Variants in APBB2 observed in about 807,000 individuals in gnomAD.
APBB2 encodes the protein amyloid beta precursor protein binding family B member 2, also known as Fe65-like 1.
A neutral mutation model predicts 82.5 loss-of-function variants in APBB2; 38 were observed. The ratio of observed to expected loss-of-function variants is 0.46; its 90% CI spans 0.36 to 0.60. The LOEUF (loss-of-function observed/expected upper bound fraction) is 0.60, where lower values mean the gene tolerates loss of function less well. Ranked by LOEUF, APBB2 falls within the 20% of genes least tolerant of loss-of-function variation. APBB2 has a pLI of 0.00. For missense variants in APBB2, 772 were observed against 972.3 expected, an observed-to-expected ratio of 0.79 and a Z score of 2.74; for synonymous variants, 341 against 368.2, an observed-to-expected ratio of 0.93 and a Z score of 0.85.
intron 1 of APBB2, among the ~76,000 whole-genome samples, chr4:41,204,895 T>C (rs889819281): frequency 1.3e-5 from 2 of 152,344 alleles, no homozygotes; most frequent in South Asian, 2.1e-4. Context: ...AATGAAATGC[T>C]TTCCAAGTCA....
At chr4:40,930,585 T>G (rs891831131) in intron 10 of APBB2, among the ~76,000 whole-genome samples, 1 of 152,124 alleles carries the variant, frequency 6.6e-6, no homozygotes, top group African/African-American at 2.4e-5. Context: ...CTGAAGAGGA[T>G]TTGGAAGTGT....
At chr4:40,915,073 C>A (rs892961497) in intron 10 of APBB2, among the ~76,000 whole-genome samples, 6 of 152,192 alleles carry the variant, frequency 3.9e-5, no homozygotes, top group Non-Finnish European at 8.8e-5. Flanking sequence ...CTGTGAAATA[C>A]CTCTCAAACA....
At chr4:40,980,179 C>T (rs190907856) in intron 6 of APBB2, among the ~76,000 whole-genome samples, 215 of 152,240 alleles carry the variant, frequency 1.4e-3, no homozygotes, top group Non-Finnish European at 2.2e-3. Flanking sequence ...CACGCTGCCA[C>T]GCCTGGCTGA....
intron 6 of APBB2, among the ~76,000 whole-genome samples, chr4:40,992,687 T>C (rs933232307): frequency 2.6e-5 from 4 of 152,040 alleles, no homozygotes; most frequent in Admixed American, 1.3e-4. Flanking sequence ...ACGCGGGAAG[T>C]ATGAAGCCAG....
At chr4:41,120,313 C>G (rs1235951233) in intron 2 of APBB2, among the ~76,000 whole-genome samples, 4 of 152,110 alleles carry the variant, frequency 2.6e-5, no homozygotes, top group African/African-American at 9.7e-5. Flanking sequence ...CCGACTCAGG[C>G]CTAGGACCTG....
intron 12 of APBB2, among the ~76,000 whole-genome samples, chr4:40,864,853 C>CTTTTTTTTT (rs571511868): frequency 8.0e-6 from 1 of 125,266 alleles, no homozygotes. Flanking sequence ...ACGTTTGATT[C>CTTTTTTTTT]TTTTTTTTTT....
intron 1 of APBB2, among the ~76,000 whole-genome samples, chr4:41,152,876 C>T (rs62409970): frequency 0.038 from 5,783 of 152,260 alleles, 211 homozygotes; most frequent in African/African-American, 0.096. Flanking sequence ...TACCTTGCCA[C>T]TGACCCAAGA....
chr4:40,918,692 T>C (rs940974803), intron 10 of APBB2, among the ~76,000 whole-genome samples: 3 of 151,732 alleles, frequency 2.0e-5, no homozygotes, highest in African/African-American at 7.3e-5. Flanking sequence ...TCCTTCCTTC[T>C]TTCGGACGAC....
Position 40,889,515 on chromosome 4 carries a change from G to GCAATAA in APBB2, c.1529+843_1529+848dup, listed in dbSNP as rs547359609. On this transcript the variant is annotated intron_variant, in intron 12 of 17. Coordinates refer to ENST00000508593, the MANE Select transcript of APBB2 (RefSeq NM_004307.2). Reference sequence around the variant, plus strand: ...AATGCTCTTGTCCATTTTCAACAAAGCAATAACAAGCTATCATCCTATAGC... The same window carrying GCAATAA: ...AATGCTCTTGTCCATTTTCAACAAAGCAATAACAATAACAAGCTATCATCCTATAGC... Among the ~76,000 whole-genome samples the GCAATAA allele has an allele frequency of 1.1e-4, 16 of 152,316 alleles. No homozygotes were observed. In the East Asian group the frequency reaches 2.7e-3, roughly 26 times the overall value.
At chr4:40,897,876 A>T (rs1774143258) in intron 10 of APBB2, among the ~76,000 whole-genome samples, 2 of 152,166 alleles carry the variant, frequency 1.3e-5, no homozygotes, top group Non-Finnish European at 2.9e-5. Context: ...ATAAATGCTC[A>T]TCTTGGAGCA....
chr4:41,022,031 C>A (rs1163945402), intron 5 of APBB2, among the ~76,000 whole-genome samples: 1 of 152,184 alleles, frequency 6.6e-6, no homozygotes, highest in Non-Finnish European at 1.5e-5. Flanking sequence ...AAACTCCAGA[C>A]ACACCATCTT....
intron 10 of APBB2, among the ~76,000 whole-genome samples, chr4:40,909,948 CTG>C (rs1296378961): frequency 3.3e-5 from 5 of 152,128 alleles, no homozygotes; most frequent in Non-Finnish European, 5.9e-5. Flanking sequence ...AAATGAGAAA[CTG>C]AGGTTCAGGG....
At chr4:41,111,240 C>T (rs1580127329) in intron 2 of APBB2, among the ~76,000 whole-genome samples, 1 of 152,248 alleles carries the variant, frequency 6.6e-6, no homozygotes, top group East Asian at 1.9e-4. Flanking sequence ...TGCTGTGCAG[C>T]CCTGTTCCTA....
chr4:41,168,378 T>C (rs1387758990), intron 1 of APBB2, among the ~76,000 whole-genome samples: 1 of 151,990 alleles, frequency 6.6e-6, no homozygotes, highest in Non-Finnish European at 1.5e-5. Flanking sequence ...TATTTATTTA[T>C]TTTTTTATTT....
At chr4:41,035,735 G>C (rs1272207151) in intron 4 of APBB2, among the ~76,000 whole-genome samples, 2 of 152,198 alleles carry the variant, frequency 1.3e-5, no homozygotes, top group Non-Finnish European at 2.9e-5. Flanking sequence ...CAGAAAGTTA[G>C]GCCTGTGATG....
chr4:41,133,513 T>C (rs1756675048), intron 2 of APBB2, among the ~76,000 whole-genome samples: 1 of 152,228 alleles, frequency 6.6e-6, no homozygotes, highest in African/African-American at 2.4e-5. Context: ...GAAATGTCTC[T>C]AAAAAGCTGG....
At chr4:40,980,526 GCCAAC>G (rs1798206690) in intron 6 of APBB2, among the ~76,000 whole-genome samples, 1 of 332 alleles carries the variant, frequency 3.0e-3, no homozygotes, top group Admixed American at 0.042. Context: ...GCACTGCAGA[GCCAAC>G]TGCAGAGCCA....
intron 1 of APBB2, among the ~76,000 whole-genome samples, chr4:41,144,697 T>C (rs1363894542): frequency 2.6e-5 from 4 of 152,236 alleles, no homozygotes; most frequent in African/African-American, 9.6e-5. Context: ...AACAACACTT[T>C]CCTAGAAATA....
chr4:41,118,715 G>T (rs370253785), intron 2 of APBB2, among the ~76,000 whole-genome samples: 1 of 151,914 alleles, frequency 6.6e-6, no homozygotes, highest in Admixed American at 6.6e-5. Context: ...TAATAAAAAC[G>T]TATCAATATA....
Sources: gnomAD v4.1 joint callset for allele counts (sites outside exome capture counted in the v4.1 genomes callset) on GRCh38, gnomAD v4.1.1 for gene constraint, MANE v1.5 for transcripts, NCBI Gene and HGNC (gene_info 2026-07-23, HGNC 2026-07-21) for gene names.